The following NRG3 variants were observed in gnomAD, a reference collection of about 807,000 sequenced individuals.
NRG3 encodes neuregulin 3.
In NRG3, 31 loss-of-function variants were observed where a neutral mutation model predicts 66.9. That is an observed-to-expected ratio of 0.46 (90% confidence interval 0.35 to 0.63). The LOEUF is 0.63. NRG3 is among the 20% of genes least tolerant of loss of function. NRG3 has a pLI of 0.00. For missense variants in NRG3, 910 were observed against 878.9 expected (o/e 1.04, Z -0.45); for synonymous variants, 393 against 359.4 (o/e 1.09, Z -1.06).
chr10:81,953,646 C>T (rs1423799409), intron 1 of NRG3, among the ~76,000 whole-genome samples: 1 of 152,100 alleles, frequency 6.6e-6, no homozygotes, highest in Admixed American at 6.5e-5. Context: ...TGAGTCATTG[C>T]CTTTGTGATG....
chr10:82,161,834 CA>C (rs2071625726), intron 1 of NRG3, among the ~76,000 whole-genome samples: 2 of 152,148 alleles, frequency 1.3e-5, no homozygotes, highest in Admixed American at 1.3e-4. Context: ...TAAGTTTAAG[CA>C]AAGCAATTAA....
intron 2 of NRG3, among the ~76,000 whole-genome samples, chr10:82,496,199 A>G (rs1266869752): frequency 6.6e-6 from 1 of 152,224 alleles, no homozygotes; most frequent in Non-Finnish European, 1.5e-5. Context: ...GGTTTGTAAC[A>G]TGGTTGTTAG....
At chr10:82,625,369 TTTAA>T (rs145552648) in intron 2 of NRG3, among the ~76,000 whole-genome samples, 2,943 of 152,296 alleles carry the variant, frequency 0.019, 63 homozygotes, top group South Asian at 0.06. Flanking sequence ...TTATCCAGAA[TTTAA>T]TTAAATACAC....
intron 2 of NRG3, among the ~76,000 whole-genome samples, chr10:82,434,107 G>A (rs533472157): frequency 1.3e-5 from 2 of 152,130 alleles, no homozygotes; most frequent in Admixed American, 1.3e-4. Flanking sequence ...CCATTTGTTT[G>A]TGTCCTCTCA....
At chr10:82,950,844 G>A (rs999614568) in intron 4 of NRG3, among the ~76,000 whole-genome samples, 7 of 152,184 alleles carry the variant, frequency 4.6e-5, no homozygotes, top group African/African-American at 1.7e-4. Context: ...TTGAATTATT[G>A]TCATTTTCGT....
intron 2 of NRG3, among the ~76,000 whole-genome samples, chr10:82,510,550 A>G (rs1462502276): frequency 6.6e-6 from 1 of 152,218 alleles, no homozygotes; most frequent in African/African-American, 2.4e-5. Context: ...TATTTACCCA[A>G]GTATGGATAG....
intron 1 of NRG3, among the ~76,000 whole-genome samples, chr10:81,961,483 AT>A (rs1850357352): frequency 0.095 from 4 of 42 alleles, no homozygotes; most frequent in South Asian, 0.5. Context: ...AAAGGAATTA[AT>A]GAACTAATGA....
intron 2 of NRG3, among the ~76,000 whole-genome samples, chr10:82,504,570 T>C (rs1844500815): frequency 6.6e-6 from 1 of 152,188 alleles, no homozygotes; most frequent in Admixed American, 6.5e-5. Context: ...CCCACCAGTG[T>C]ACAGAGATAG....
chr10:81,906,232 C>CATG (rs1844594517), intron 1 of NRG3, among the ~76,000 whole-genome samples: 2 of 151,986 alleles, frequency 1.3e-5, no homozygotes. Flanking sequence ...TCATCATCAT[C>CATG]ATGTTCATTG....
intron 3 of NRG3, among the ~76,000 whole-genome samples, chr10:82,756,021 C>T (rs1042700392): frequency 6.6e-6 from 1 of 152,066 alleles, no homozygotes; most frequent in Admixed American, 6.6e-5. Flanking sequence ...TCTCAGAACT[C>T]GCTCTGTAGA....
intron 1 of NRG3, among the ~76,000 whole-genome samples, chr10:82,110,635 A>G (rs2067331322): frequency 6.6e-6 from 1 of 152,038 alleles, no homozygotes; most frequent in Non-Finnish European, 1.5e-5. Flanking sequence ...TTTTGTTATG[A>G]ATTGAATATG....
intron 1 of NRG3, among the ~76,000 whole-genome samples, chr10:82,355,162 C>CGTGA (rs752714447): frequency 2.6e-5 from 4 of 152,188 alleles, no homozygotes; most frequent in Non-Finnish European, 5.9e-5. Context: ...GTTGAATTTG[C>CGTGA]TCACAGATGA....
chr10:82,621,993 G>A, intron 2 of NRG3, among the ~76,000 whole-genome samples: 1 of 152,248 alleles, frequency 6.6e-6, no homozygotes, highest in African/African-American at 2.4e-5. Context: ...AGGAAAAAGA[G>A]AATTTTCCAG....
intron 2 of NRG3, among the ~76,000 whole-genome samples, chr10:82,665,654 C>T (rs920267933): frequency 1.3e-5 from 2 of 152,090 alleles, no homozygotes; most frequent in African/African-American, 4.8e-5. Flanking sequence ...TAACATTTTC[C>T]TTTCTTTCTT....
intron 1 of NRG3, among the ~76,000 whole-genome samples, chr10:82,263,601 C>T (rs1460887782): frequency 2.0e-5 from 3 of 152,016 alleles, no homozygotes; most frequent in African/African-American, 7.3e-5. Context: ...TCTTTTTATA[C>T]TACATACACA....
intron 1 of NRG3, among the ~76,000 whole-genome samples, chr10:82,102,344 A>G (rs1052111929): frequency 1.3e-5 from 2 of 150,090 alleles, no homozygotes; most frequent in Admixed American, 6.6e-5. Context: ...TAGCCTGTCC[A>G]TGTTATTATA....
intron 3 of NRG3, among the ~76,000 whole-genome samples, chr10:82,767,633 A>G (rs1565293307): frequency 6.6e-6 from 1 of 151,822 alleles, no homozygotes; most frequent in Non-Finnish European, 1.5e-5. Flanking sequence ...TAATCTTATT[A>G]TCTTACCTTT....
chr10:82,721,328 C>T (rs1215892488), intron 2 of NRG3, among the ~76,000 whole-genome samples: 2 of 150,792 alleles, frequency 1.3e-5, no homozygotes, highest in African/African-American at 4.9e-5. Flanking sequence ...TTAGTAGAGG[C>T]GGTGTTTCAC....
At chr10:82,647,593 AT>A (rs1441090779) in intron 2 of NRG3, among the ~76,000 whole-genome samples, 1 of 151,940 alleles carries the variant, frequency 6.6e-6, no homozygotes, top group African/African-American at 2.4e-5. Context: ...GACTTCCACA[AT>A]GGTTGAACTA....
Sources: allele counts gnomAD v4.1 joint callset (sites outside exome capture counted in the v4.1 genomes callset), GRCh38; gene constraint gnomAD v4.1.1; transcripts MANE v1.5; gene names NCBI Gene and HGNC (gene_info 2026-07-23, HGNC 2026-07-21).